The following UNC80 variants were observed in gnomAD, a reference collection of about 807,000 sequenced individuals.
The protein encoded by UNC80 is protein unc-80 homolog.
UNC80 carries 164 observed loss-of-function variants against 384.6 expected under a neutral mutation model. The observed-to-expected ratio is 0.43, with a 90% CI of 0.38 to 0.49. The LOEUF is 0.49. Among genes scored for constraint, UNC80 ranks in the 20% least tolerant of loss-of-function variants. UNC80 has a pLI of 0.00. For missense variants in UNC80, 3,330 were observed against 4,143.0 expected (o/e 0.80, Z 5.39); for synonymous variants, 1,486 against 1,527.8 (o/e 0.97, Z 0.64).
intron 61 of UNC80, among the ~76,000 whole-genome samples, chr2:209,988,206 C>T (rs1248089104): frequency 3.9e-5 from 6 of 152,180 alleles, no homozygotes; most frequent in African/African-American, 1.4e-4. Context: ...TTCATGCATT[C>T]CTATCACAAG....
intron 7 of UNC80, among the ~76,000 whole-genome samples, chr2:209,810,065 C>A (rs576918756): frequency 1.3e-5 from 2 of 152,188 alleles, no homozygotes; most frequent in South Asian, 2.1e-4. Flanking sequence ...AGCCATGGGG[C>A]CTTCGAAGGC....
intron 16 of UNC80, among the ~76,000 whole-genome samples, chr2:209,833,620 T>C (rs1445688358): frequency 6.6e-6 from 1 of 152,242 alleles, no homozygotes; most frequent in Non-Finnish European, 1.5e-5. Context: ...AAATCTCTAA[T>C]GTAAACAAAT....
intron 20 of UNC80, among the ~76,000 whole-genome samples, chr2:209,842,006 A>G (rs1040721333): frequency 6.6e-6 from 1 of 152,192 alleles, no homozygotes; most frequent in African/African-American, 2.4e-5. Context: ...TCTGATTCTC[A>G]ATTGTGGTAT....
intron 22 of UNC80, among the ~76,000 whole-genome samples, chr2:209,854,455 G>A (rs557067259): frequency 4.6e-5 from 7 of 152,200 alleles, no homozygotes; most frequent in African/African-American, 1.4e-4. Context: ...CAATGGACAT[G>A]AGAGTGCAGA....
chr2:209,861,832 T>C (rs2083364872), intron 22 of UNC80, among the ~76,000 whole-genome samples: 1 of 152,210 alleles, frequency 6.6e-6, no homozygotes, highest in African/African-American at 2.4e-5. Context: ...GAGGGGTTTA[T>C]AGTATTCTCT....
intron 7 of UNC80, among the ~76,000 whole-genome samples, chr2:209,802,293 G>A (rs547945653): frequency 1.3e-5 from 2 of 152,184 alleles, no homozygotes; most frequent in East Asian, 1.9e-4. Flanking sequence ...ATTATTAAAA[G>A]AGCAGGTTTT....
At position 209,941,316 on chromosome 2, in the gene UNC80, TG is replaced by T; in HGVS notation, c.6746del (p.Gly2249GlufsTer15). ...MFLGMPSEFP[W>X]GDEIMLFLNV... ...CCTGGGCATGCCGAGCGAGTTTCCA[TG>T]GGGAGACGAAATCATGCTTTTCCTC... On this transcript the variant is annotated frameshift_variant, in exon 44 of 65. Transcript: ENST00000673920. LOFTEE classifies it high-confidence loss of function. The T allele has an allele frequency of 1.3e-6, 2 of 1,550,782 alleles. No homozygotes were observed. The highest frequency in any genetic ancestry group is 1.7e-6 in the Non-Finnish European group (2 of 1,146,236).
In UNC80 at chr2:209,996,738, C is replaced by G. The variant is rs1489305096; in HGVS notation, c.*1143C>G. The G allele has an allele frequency of 6.6e-6, 1 of 152,144 alleles. No individual in the cohort carries two copies. Among genetic ancestry groups the G allele is most frequent in the East Asian group, 1.9e-4 (1 of 5,194 alleles). The allele number at this position is 152,144 out of a possible 1,614,324, so 9.4% of individuals were successfully genotyped here. Reference sequence around the variant, plus strand: ...CTTAGAAGGCTTGTGAGGCCAACACCTAGTGTGTTACTGATCCTATGGTAG... The same window carrying G: ...CTTAGAAGGCTTGTGAGGCCAACACGTAGTGTGTTACTGATCCTATGGTAG... On this transcript the variant is annotated 3_prime_UTR_variant, in exon 65 of 65. Coordinates refer to ENST00000673920, the MANE Select transcript of UNC80 (RefSeq NM_001371986.1).
At chr2:209,834,753 G>T (rs1404728841) in intron 17 of UNC80, among the ~76,000 whole-genome samples, 159 bp from the exon 18 acceptor site, 1 of 152,194 alleles carries the variant, frequency 6.6e-6, no homozygotes, top group African/African-American at 2.4e-5. Flanking sequence ...ATGAGTTAAT[G>T]GTGCGGTATA....
chr2:209,936,763 A>G lies in UNC80; in HGVS notation c.6274-81A>G, dbSNP rs985804535. The G allele has an allele frequency of 6.2e-6, 6 of 962,562 alleles. No homozygotes were observed. In the African/African-American group the frequency reaches 9.9e-5, roughly 16 times the overall value. 59.6% of individuals were successfully genotyped at this position (962,562 alleles called of 1,614,324 possible). The stretch of plus-strand genomic sequence containing the variant: ...GTAAGAGGTTACCTTGTTTTTTCAA[A>G]ATTTGTATCTGTCACCTTACTACCT... On this transcript the variant is annotated intron_variant, in intron 40 of 64. Transcript: ENST00000673920.
chr2:209,835,072 C>G, intron 18 of UNC80, 62 bp downstream of exon 18: 1 of 1,316,906 alleles, frequency 7.6e-7, no homozygotes, highest in Non-Finnish European at 1.1e-6. Context: ...GGAAGAATTT[C>G]TATTTTCCAA....
At chr2:209,927,715 GA>G in intron 36 of UNC80, among the ~76,000 whole-genome samples, 1 of 152,282 alleles carries the variant, frequency 6.6e-6, no homozygotes, top group African/African-American at 2.4e-5. Context: ...AAGCATTCTA[GA>G]ACAGAGTTTC....
intron 29 of UNC80, among the ~76,000 whole-genome samples, chr2:209,905,847 A>G (rs2088129378): frequency 6.6e-6 from 1 of 152,180 alleles, no homozygotes; most frequent in African/African-American, 2.4e-5. Flanking sequence ...GGAGATGAAG[A>G]CAGTGACCAG....
intron 8 of UNC80, 121 bp downstream of exon 8, chr2:209,813,962 C>T: frequency 7.9e-7 from 1 of 1,269,234 alleles, no homozygotes; most frequent in Non-Finnish European, 1.1e-6. Context: ...GTGGGTTACA[C>T]TGTTTCTATT....
At chr2:209,799,631 G>A in intron 7 of UNC80, among the ~76,000 whole-genome samples, 1 of 152,122 alleles carries the variant, frequency 6.6e-6, no homozygotes, top group East Asian at 1.9e-4. Flanking sequence ...GGTAAGAGAG[G>A]GCATCCTTAT....
chr2:209,885,587 A>G (rs1403013933), intron 25 of UNC80, among the ~76,000 whole-genome samples: 2 of 152,084 alleles, frequency 1.3e-5, no homozygotes, highest in African/African-American at 2.4e-5. Flanking sequence ...CAAAGGGATT[A>G]ATTTCAGGGA....
intron 47 of UNC80, chr2:209,951,503 T>C (rs2092187177): frequency 6.6e-6 from 1 of 152,224 alleles, no homozygotes; most frequent in Admixed American, 6.5e-5. Flanking sequence ...TTCACCGTAT[T>C]GGCCAGGCTG....
chr2:209,799,233 T>C (rs780021446), intron 7 of UNC80, among the ~76,000 whole-genome samples: 3 of 152,142 alleles, frequency 2.0e-5, no homozygotes, highest in Non-Finnish European at 4.4e-5. Flanking sequence ...CATTTGTTTG[T>C]GTCCTCTTAT....
Position 209,998,163 on chromosome 2 carries a change from CA to C in UNC80, c.*2571del, listed in dbSNP as rs1045350064. 1.3e-5 allele frequency: 2 copies of C among 152,092 alleles called. No individual in the cohort carries two copies. The highest frequency in any genetic ancestry group is 2.9e-5 in the Non-Finnish European group (2 of 68,024). The allele number at this position is 152,092 out of a possible 1,614,324, so 9.4% of individuals were successfully genotyped here. A position where few individuals can be genotyped will look rare whatever the true frequency, so the allele number is the denominator to read the frequency against. The stretch of plus-strand genomic sequence containing the variant: ...CCCATGTAGAAAAAATTAGACTCAG[CA>C]AAGAGGTTGCTTCTTCTGAAATTAG... On this transcript the variant is annotated 3_prime_UTR_variant, in exon 65 of 65. Transcript: ENST00000673920.
Sources: allele counts gnomAD v4.1 joint callset (sites outside exome capture counted in the v4.1 genomes callset), GRCh38; gene constraint gnomAD v4.1.1; transcripts MANE v1.5; gene names NCBI Gene and HGNC (gene_info 2026-07-23, HGNC 2026-07-21).